Variants in CST9 observed in about 807,000 individuals in gnomAD.
The protein encoded by CST9 is cystatin-9.
CST9 carries 11 observed loss-of-function variants against 7.7 expected under a neutral mutation model. That is an observed-to-expected ratio of 1.44 (90% CI 0.90 to 2.38). CST9 has a LOEUF of 2.38. Ranked by LOEUF, CST9 falls within the 30% of genes most tolerant of loss-of-function variation. The probability of loss-of-function intolerance (pLI) is 0.00; values close to 1 mark genes in which losing one functional copy is unlikely to be tolerated. For missense variants in CST9, 214 were observed against 199.1 expected, an observed-to-expected ratio of 1.07 and a Z score of -0.45; for synonymous variants, 71 against 74.3, an observed-to-expected ratio of 0.96 and a Z score of 0.23.
rs931214314 is a variant in CST9, at chr20:23,602,580, C to T, written c.*930G>A. ...AACTCCTGGGAACAGCTGGTGTCCACGGGGGAGGGGGCAGCATGTGGCCAG... is the reference window on the plus strand; with the variant it reads ...AACTCCTGGGAACAGCTGGTGTCCATGGGGGAGGGGGCAGCATGTGGCCAG... On this transcript the variant is annotated 3_prime_UTR_variant, in exon 2 of 2. Transcript: ENST00000376971. 1.8e-4 allele frequency: 83 copies of T among 474,282 alleles called. No individual in the cohort carries two copies. The highest frequency in any genetic ancestry group is 2.1e-4 in the Non-Finnish European group (77 of 362,986). 29.4% of individuals were successfully genotyped at this position (474,282 alleles called of 1,614,324 possible). A position where few individuals can be genotyped will look rare whatever the true frequency, so the allele number is the denominator to read the frequency against.
At chr20:23,605,568 C>A (rs1038466900) in intron 1 of CST9, 42 bp downstream of exon 1, 7 of 1,593,992 alleles carry the variant, frequency 4.4e-6, no homozygotes, top group African/African-American at 1.3e-5. Context: ...CACTTAGGGG[C>A]AGATGGAGAA....
In CST9 at chr20:23,603,051, A is replaced by T. The variant is rs1432558543; in HGVS notation, c.*459T>A. The T allele has an allele frequency of 2.0e-6, 2 of 1,012,544 alleles. No individual in the cohort carries two copies. Among genetic ancestry groups the T allele is most frequent in the Non-Finnish European group, 2.4e-6 (2 of 847,108 alleles). The allele number at this position is 1,012,544 out of a possible 1,614,324, so 62.7% of individuals were successfully genotyped here. On this transcript the variant is annotated 3_prime_UTR_variant, in exon 2 of 2. Transcript: ENST00000376971. Reference sequence around the variant, plus strand: ...TTGTCCCAGTGGAAGCAGTTCCCAGACTTAGGCAATTAGTTACCTATTTGT... The same window carrying T: ...TTGTCCCAGTGGAAGCAGTTCCCAGTCTTAGGCAATTAGTTACCTATTTGT...
Position 23,605,618 on chromosome 20 carries a change from C to A in CST9, c.247G>T (p.Asp83Tyr), listed in dbSNP as rs1978740657. The stretch of plus-strand genomic sequence containing the variant: ...AGGATGTGGTCACCAACCTTTCTGT[C>A]CATGCTATCCTCCCTCCATGAACTC... ...VLSSWREDSM[D>Y]RKWRGKMVFS... Residue 83 changes from aspartate to tyrosine, a missense_variant, in exon 1 of 2, where the codon GAC (aspartate) becomes TAC (tyrosine). Transcript: ENST00000376971. The A allele has an allele frequency of 1.2e-6, 2 of 1,613,966 alleles. No individual in the cohort carries two copies. The highest frequency in any genetic ancestry group is 1.7e-6 in the Non-Finnish European group (2 of 1,179,904).
Position 23,603,408 on chromosome 20 carries a change from T to A in CST9, c.*102A>T. On this transcript the variant is annotated 3_prime_UTR_variant, in exon 2 of 2. Coordinates refer to ENST00000376971, the MANE Select transcript of CST9 (RefSeq NM_001008693.3). ...GTGTCAGAGGGCAGAATCAGGAAAC[T>A]CAGATTGGCCAGGGGCCTGAAAGTG... The A allele has an allele frequency of 6.7e-7, 1 of 1,483,828 alleles. No individual in the cohort carries two copies. The highest frequency in any genetic ancestry group is 8.9e-7 in the Non-Finnish European group (1 of 1,117,866). The allele number at this position is 1,483,828 out of a possible 1,614,324, so 91.9% of individuals were successfully genotyped here.
rs2122403762 is a variant in CST9 at position 23,602,624 on chromosome 20, C to T, written c.*886G>A. 2.1e-6 allele frequency: 2 copies of T among 932,768 alleles called. No homozygotes were observed. The highest frequency in any genetic ancestry group is 5.0e-5 in the South Asian group (1 of 20,188). The allele number at this position is 932,768 out of a possible 1,614,324, so 57.8% of individuals were successfully genotyped here. A position where few individuals can be genotyped will look rare whatever the true frequency, so the allele number is the denominator to read the frequency against. On this transcript the variant is annotated 3_prime_UTR_variant, in exon 2 of 2. Coordinates refer to ENST00000376971, the MANE Select transcript of CST9 (RefSeq NM_001008693.3). ...TGGCCAGGCATGTGAGTGGCTTCCA[C>T]TCAGGAGAGCCCCTCTGAGCAGGTC...
chr20:23,602,845 C>T lies in CST9; in HGVS notation c.*665G>A, dbSNP rs895842672. On this transcript the variant is annotated 3_prime_UTR_variant, in exon 2 of 2. Transcript: ENST00000376971. Reference sequence around the variant, plus strand: ...TGGGGCCAGCAATTGTGCCACGTGGCTCTGGCCTTCAGGTCTAGCCTGAGC... The same window carrying T: ...TGGGGCCAGCAATTGTGCCACGTGGTTCTGGCCTTCAGGTCTAGCCTGAGC... The T allele has an allele frequency of 1.0e-6, 1 of 985,696 alleles. No individual in the cohort carries two copies. Among genetic ancestry groups the T allele is most frequent in the African/African-American group, 1.7e-5 (1 of 57,252 alleles). The allele number at this position is 985,696 out of a possible 1,614,324, so 61.1% of individuals were successfully genotyped here.
rs770587905 is a variant in CST9 at position 23,603,651 on chromosome 20, G to A, written c.339C>T (p.Cys113=). Reference sequence around the variant, plus strand: ...TCAGCTCCAGGCTTTCTTGAAAAGGGCAGTTGTCAATGTCATCTTCAAATT... The same window carrying A: ...TCAGCTCCAGGCTTTCTTGAAAAGGACAGTTGTCAATGTCATCTTCAAATT... ...CRKFEDDIDN[C]PFQESLELNN... Residue 113 remains cysteine, a synonymous_variant, in exon 2 of 2, where the codon TGC becomes TGT. Transcript: ENST00000376971. 20 of 1,614,116 alleles carry A rather than the reference G, an allele frequency of 1.2e-5. No homozygotes were observed. The highest frequency in any genetic ancestry group is 1.6e-4 in the Middle Eastern group (1 of 6,084).
In CST9 at chr20:23,603,091, GGGGGTTGACTAAGAAT is replaced by G; in HGVS notation, c.*403_*418del. 9.7e-7 allele frequency: 1 copy of G among 1,034,484 alleles called. No individual in the cohort carries two copies. Among genetic ancestry groups the G allele is most frequent in the South Asian group, 3.8e-5 (1 of 26,060 alleles). The allele number at this position is 1,034,484 out of a possible 1,614,324, so 64.1% of individuals were successfully genotyped here. A position where few individuals can be genotyped will look rare whatever the true frequency, so the allele number is the denominator to read the frequency against. On this transcript the variant is annotated 3_prime_UTR_variant, in exon 2 of 2. Coordinates refer to ENST00000376971, the MANE Select transcript of CST9 (RefSeq NM_001008693.3). ...TACCTATTTGTTAATCTTACAATAA[GGGGGTTGACTAAGAAT>G]GGGAAGTTTTCCCAGAGCCAGGCTT...
chr20:23,604,968 A>G (rs1488887022), intron 1 of CST9, among the ~76,000 whole-genome samples: 2 of 152,248 alleles, frequency 1.3e-5, no homozygotes, highest in Non-Finnish European at 2.9e-5. Context: ...TCCTGACCAC[A>G]TTTAATGATT....
chr20:23,605,910 C>A lies in CST9; in HGVS notation c.-46G>T, dbSNP rs62207039. The A allele has an allele frequency of 9.3e-6, 15 of 1,604,994 alleles. No individual in the cohort carries two copies. The highest frequency in any genetic ancestry group is 3.4e-5 in the Admixed American group (2 of 59,308). On this transcript the variant is annotated 5_prime_UTR_variant, in exon 1 of 2. Coordinates refer to ENST00000376971, the MANE Select transcript of CST9 (RefSeq NM_001008693.3). ...TTGCCTTTGCCCTTCAGATCCCTGGCGTCCACTGGAGCCTTCCAGGGCTCA... is the reference window on the plus strand; with the variant it reads ...TTGCCTTTGCCCTTCAGATCCCTGGAGTCCACTGGAGCCTTCCAGGGCTCA...
Position 23,603,719 on chromosome 20 carries a change from C to A in CST9, c.271G>T (p.Val91Leu). The A allele has an allele frequency of 1.2e-6, 2 of 1,614,194 alleles. No individual in the cohort carries two copies. Among genetic ancestry groups the A allele is most frequent in the Non-Finnish European group, 1.7e-6 (2 of 1,180,032 alleles). The change falls in exon 2 of 2, where the codon GTG becomes TTG. Residue 91 changes from valine (V) to leucine (L), a missense_variant. Transcript: ENST00000376971. Reference protein sequence around the residue: ...SMDRKWRGKMVFSMNLQLRQT... With the variant: ...SMDRKWRGKMLFSMNLQLRQT... ...CGCAGTTGCAGATTCATGGAGAACACCATCTTACCTCGCCACTGTTGGACA... is the reference window on the plus strand; with the variant it reads ...CGCAGTTGCAGATTCATGGAGAACAACATCTTACCTCGCCACTGTTGGACA...
At chr20:23,604,179 C>T (rs1978700144) in intron 1 of CST9, among the ~76,000 whole-genome samples, 1 of 152,182 alleles carries the variant, frequency 6.6e-6, no homozygotes, top group South Asian at 2.1e-4. Flanking sequence ...GTCAAACCTT[C>T]CAAGTGACCT....
chr20:23,603,128 G>T lies in CST9; in HGVS notation c.*382C>A. The T allele has an allele frequency of 1.9e-6, 2 of 1,047,986 alleles. No individual in the cohort carries two copies. The highest frequency in any genetic ancestry group is 8.4e-5 in the East Asian group (1 of 11,972). The allele number at this position is 1,047,986 out of a possible 1,614,324, so 64.9% of individuals were successfully genotyped here. ...AGAATGGGAAGTTTTCCCAGAGCCAGGCTTTGCTTGGAGCTCGTCCCCTAG... is the reference window on the plus strand; with the variant it reads ...AGAATGGGAAGTTTTCCCAGAGCCATGCTTTGCTTGGAGCTCGTCCCCTAG... On this transcript the variant is annotated 3_prime_UTR_variant, in exon 2 of 2. Coordinates refer to ENST00000376971, the MANE Select transcript of CST9 (RefSeq NM_001008693.3).
In CST9 at chr20:23,605,874, T is replaced by G; in HGVS notation, c.-10A>C. The G allele has an allele frequency of 6.2e-7, 1 of 1,613,730 alleles. No individual in the cohort carries two copies. Among genetic ancestry groups the G allele is most frequent in the Non-Finnish European group, 8.5e-7 (1 of 1,179,904 alleles). ...TCTGCGGACTCGACATGATGCAGGC[T>G]CCAGCAGCCCTTGCCTTTGCCCTTC... is the stretch of plus-strand genomic sequence containing the variant. On this transcript the variant is annotated 5_prime_UTR_variant, in exon 1 of 2. Transcript: ENST00000376971.
At chr20:23,604,176 CT>C (rs1978700039) in intron 1 of CST9, among the ~76,000 whole-genome samples, 1 of 152,192 alleles carries the variant, frequency 6.6e-6, no homozygotes, top group African/African-American at 2.4e-5. Context: ...GTTGTCAAAC[CT>C]TCCAAGTGAC....
chr20:23,603,820 G>A (rs1568692364), intron 1 of CST9, 86 bp from the exon 2 acceptor site: 1 of 1,362,648 alleles, frequency 7.3e-7, no homozygotes, highest in Admixed American at 1.7e-5. Flanking sequence ...GAGTAGGAGA[G>A]GCCCCAACAC....
chr20:23,602,650 T>C lies in CST9; in HGVS notation c.*860A>G. The C allele has an allele frequency of 1.0e-6, 1 of 977,320 alleles. No individual in the cohort carries two copies. Among genetic ancestry groups the C allele is most frequent in the African/African-American group, 1.7e-5 (1 of 57,150 alleles). The allele number at this position is 977,320 out of a possible 1,614,324, so 60.5% of individuals were successfully genotyped here. A position where few individuals can be genotyped will look rare whatever the true frequency, so the allele number is the denominator to read the frequency against. On this transcript the variant is annotated 3_prime_UTR_variant, in exon 2 of 2. Coordinates refer to ENST00000376971, the MANE Select transcript of CST9 (RefSeq NM_001008693.3). Reference sequence around the variant, plus strand: ...TCAGGAGAGCCCCTCTGAGCAGGTCTTGTTCAGGAGTTCAAAATATGTCTT... The same window carrying C: ...TCAGGAGAGCCCCTCTGAGCAGGTCCTGTTCAGGAGTTCAAAATATGTCTT...
Position 23,603,311 on chromosome 20 carries a change from G to C in CST9, c.*199C>G, listed in dbSNP as rs1978667653. The C allele has an allele frequency of 7.0e-7, 1 of 1,428,896 alleles. No individual in the cohort carries two copies. Among genetic ancestry groups the C allele is most frequent in the Non-Finnish European group, 9.1e-7 (1 of 1,096,884 alleles). 88.5% of individuals were successfully genotyped at this position (1,428,896 alleles called of 1,614,324 possible). On this transcript the variant is annotated 3_prime_UTR_variant, in exon 2 of 2. Transcript: ENST00000376971. ...TCCAGGCTCTTTCTCTAGAAGGCAG[G>C]GAAGAAGTGGGGAGGAAGACCAGAG...
rs78410968 is a variant in CST9, at chr20:23,603,365, G to C, written c.*145C>G. Reference sequence around the variant, plus strand: ...AGGTTCTGAAGGCCATGTGGCCCAGGTGCAGGCAGCTGCAATGGTGTCAGA... The same window carrying C: ...AGGTTCTGAAGGCCATGTGGCCCAGCTGCAGGCAGCTGCAATGGTGTCAGA... On this transcript the variant is annotated 3_prime_UTR_variant, in exon 2 of 2. Transcript: ENST00000376971. The C allele has an allele frequency of 3.4e-6, 5 of 1,449,324 alleles. No homozygotes were observed. The highest frequency in any genetic ancestry group is 4.5e-6 in the Non-Finnish European group (5 of 1,106,044). The allele number at this position is 1,449,324 out of a possible 1,614,324, so 89.8% of individuals were successfully genotyped here. A position where few individuals can be genotyped will look rare whatever the true frequency, so the allele number is the denominator to read the frequency against.
Sources: gnomAD v4.1 joint callset for allele counts (sites outside exome capture counted in the v4.1 genomes callset) on GRCh38, gnomAD v4.1.1 for gene constraint, MANE v1.5 for transcripts, NCBI Gene and HGNC (gene_info 2026-07-23, HGNC 2026-07-21) for gene names.